Variants in ARHGEF9 observed in about 807,000 individuals in gnomAD.
The protein encoded by ARHGEF9 is Cdc42 guanine nucleotide exchange factor 9, also known as rho guanine nucleotide exchange factor 9.
Under a neutral mutation model 41.3 loss-of-function variants are expected in ARHGEF9, and 2 were observed. The observed-to-expected ratio is 0.05, with a 90% CI of 0.02 to 0.15. The LOEUF is 0.15. Among genes scored for constraint, ARHGEF9 ranks in the 10% least tolerant of loss-of-function variants. The pLI, the probability that ARHGEF9 is intolerant of heterozygous loss-of-function variation, is 1.00. For synonymous variants in ARHGEF9, 160 were observed against 154.4 expected, an observed-to-expected ratio of 1.04 and a Z score of -0.27; for missense variants, 225 against 424.7, an observed-to-expected ratio of 0.53 and a Z score of 4.13.
intron 2 of ARHGEF9, among the ~76,000 whole-genome samples, chrX:63,711,215 C>G (rs1391328049): frequency 9.0e-6 from 1 of 111,566 alleles, no homozygotes; most frequent in Non-Finnish European, 1.9e-5. Context: ...TTTAATGGTG[C>G]TAATATAGCA....
At chrX:63,658,284 C>A (rs782439564) in intron 7 of ARHGEF9, among the ~76,000 whole-genome samples, 81 of 111,682 alleles carry the variant, frequency 7.3e-4, no homozygotes, top group African/African-American at 2.6e-3. Flanking sequence ...AGTTTTCAGG[C>A]GCTAGATTTG....
At chrX:63,656,859 G>A (rs1490740447) in intron 7 of ARHGEF9, 7 of 111,964 alleles carry the variant, frequency 6.3e-5, no homozygotes, top group East Asian at 5.6e-4. Context: ...TTCTTAATGC[G>A]GATAGTAAAC....
intron 1 of ARHGEF9, chrX:63,727,272 T>C (rs1795522403): frequency 8.9e-6 from 1 of 112,160 alleles, no homozygotes; most frequent in Non-Finnish European, 1.9e-5. Flanking sequence ...TATACTTTTT[T>C]ACTTTGCAGT....
At chrX:63,671,680 G>A (rs2049966060) in intron 6 of ARHGEF9, among the ~76,000 whole-genome samples, 1 of 112,225 alleles carries the variant, frequency 8.9e-6, no homozygotes, top group Non-Finnish European at 1.9e-5. Flanking sequence ...ATCATTGCAA[G>A]GTGTTTGAGA....
chrX:63,778,388 A>C (rs1556460110), intron 1 of ARHGEF9, among the ~76,000 whole-genome samples: 1 of 111,955 alleles, frequency 8.9e-6, no homozygotes, highest in African/African-American at 3.2e-5. Flanking sequence ...TTTTCCTCCT[A>C]GACCTCCAGG....
At chrX:63,778,957 C>A (rs1301058073) in intron 1 of ARHGEF9, among the ~76,000 whole-genome samples, 10 of 112,140 alleles carry the variant, frequency 8.9e-5, no homozygotes, top group African/African-American at 2.9e-4. Flanking sequence ...AATTAATAAC[C>A]TGAAAGTACC....
intron 8 of ARHGEF9, among the ~76,000 whole-genome samples, chrX:63,655,038 A>G (rs184404501): frequency 8.9e-6 from 1 of 112,491 alleles, no homozygotes; most frequent in Non-Finnish European, 1.9e-5. Context: ...ATTTACTTTA[A>G]ATACTTCCAC....
At chrX:63,754,601 A>G in intron 1 of ARHGEF9, 1 of 1,044,042 alleles carries the variant, frequency 9.6e-7, no homozygotes. Flanking sequence ...AGAACACTGT[A>G]GTGTTCCAGG....
chrX:63,781,154 C>T (rs782473799), intron 1 of ARHGEF9, among the ~76,000 whole-genome samples: 4 of 111,046 alleles, frequency 3.6e-5, no homozygotes, highest in Non-Finnish European at 7.6e-5. Context: ...AATATCTTTA[C>T]CATTAAAATG....
chrX:63,754,600 T>C, intron 1 of ARHGEF9: 1 of 1,045,393 alleles, frequency 9.6e-7, no homozygotes, highest in Non-Finnish European at 1.2e-6. Context: ...CAGAACACTG[T>C]AGTGTTCCAG....
chrX:63,673,713 T>C (rs1348333365), intron 6 of ARHGEF9, among the ~76,000 whole-genome samples: 1 of 111,445 alleles, frequency 9.0e-6, no homozygotes, highest in African/African-American at 3.3e-5. Flanking sequence ...TACTATTTCT[T>C]ATCTAAGTGT....
chrX:63,733,326 TG>T (rs782055937), intron 1 of ARHGEF9, among the ~76,000 whole-genome samples: 3 of 112,022 alleles, frequency 2.7e-5, no homozygotes, highest in Non-Finnish European at 5.6e-5. Context: ...TATTGCTAGG[TG>T]GCTTCTATGG....
chrX:63,773,116 C>T lies in ARHGEF9; in HGVS notation c.30+12000G>A, dbSNP rs147771004. 4.2e-3 allele frequency among the ~76,000 whole-genome samples: 465 copies of T among 111,978 alleles called. 3 individuals carry two copies. The highest frequency in any genetic ancestry group is 0.014 in the African/African-American group (422 of 30,796). On this transcript the variant is annotated intron_variant, in intron 1 of 9. Coordinates refer to ENST00000671741, the MANE Select transcript of ARHGEF9 (RefSeq NM_001353921.2). ...CCACTGTCTAGTTTCCATCATCTAG[C>T]AGCTTAACCACTTACAGAACTAACC...
chrX:63,756,615 C>T (rs1424466192), intron 1 of ARHGEF9, among the ~76,000 whole-genome samples: 1 of 112,168 alleles, frequency 8.9e-6, no homozygotes, highest in Non-Finnish European at 1.9e-5. Flanking sequence ...ATATAGTTAG[C>T]GTAAATACTG....
chrX:63,715,000 A>C (rs1205300638), intron 2 of ARHGEF9, among the ~76,000 whole-genome samples: 4 of 111,840 alleles, frequency 3.6e-5, no homozygotes, highest in African/African-American at 1.3e-4. Flanking sequence ...GCCCATGACA[A>C]GGCTTCTTAA....
Position 63,638,112 on chromosome X carries a change from C to A in ARHGEF9, c.1488G>T (p.Ser496=). The stretch of plus-strand genomic sequence containing the variant: ...TGGGTTCGGTGAACTCAAAGACCTG[C>A]GACTGAGCGATGCCGTCGGGGACCA... ...QYLVPDGIAQ[S]QVFEFTEPKR... The change falls in exon 10 of 10, where the codon TCG becomes TCT. Residue 496 remains serine (S), a synonymous_variant. Transcript: ENST00000671741. The A allele has an allele frequency of 8.3e-7, 1 of 1,208,573 alleles. No individual in the cohort carries two copies. Among genetic ancestry groups the A allele is most frequent in the East Asian group, 3.0e-5 (1 of 33,754 alleles).
At position 63,636,182 on chromosome X, in the gene ARHGEF9, G is replaced by GTGT. The variant is rs2047306899; in HGVS notation, c.*1845_*1846insACA. ...TATGCTGAAGCCTCCACACAGCTAT[G>GTGT]GCTGCTGCTTGGTAAGCTGAAGTCC... On this transcript the variant is annotated 3_prime_UTR_variant, in exon 10 of 10. Coordinates refer to ENST00000671741, the MANE Select transcript of ARHGEF9 (RefSeq NM_001353921.2). 8.9e-6 allele frequency: 1 copy of GTGT among 112,083 alleles called. No homozygotes were observed. Among genetic ancestry groups the GTGT allele is most frequent in the African/African-American group, 3.2e-5 (1 of 30,836 alleles). The allele number at this position is 112,083 out of a possible 1,213,427, so 9.2% of individuals were successfully genotyped here. A position where few individuals can be genotyped will look rare whatever the true frequency, so the allele number is the denominator to read the frequency against.
At chrX:63,655,463 A>T (rs782486555) in intron 8 of ARHGEF9, 31 bp downstream of exon 8, 1 of 1,208,213 alleles carries the variant, frequency 8.3e-7, no homozygotes, top group East Asian at 3.0e-5. Context: ...CTTCATAGCC[A>T]TGTTCTTCTT....
At chrX:63,674,756 G>A (rs1294147342) in intron 5 of ARHGEF9, among the ~76,000 whole-genome samples, 3 of 111,652 alleles carry the variant, frequency 2.7e-5, no homozygotes, top group Non-Finnish European at 5.6e-5. Flanking sequence ...CATTGTATGA[G>A]GGTGAAGTTT....
Sources: gnomAD v4.1 joint callset for allele counts (sites outside exome capture counted in the v4.1 genomes callset) on GRCh38, gnomAD v4.1.1 for gene constraint, MANE v1.5 for transcripts, NCBI Gene and HGNC (gene_info 2026-07-23, HGNC 2026-07-21) for gene names.